The following ATP9B variants were observed in gnomAD, a reference collection of about 807,000 sequenced individuals.
The protein encoded by ATP9B is ATPase phospholipid transporting 9B.
A neutral mutation model predicts 146.1 loss-of-function variants in ATP9B; 110 were observed. The ratio of observed to expected loss-of-function variants is 0.75; its 90% CI spans 0.65 to 0.88. The LOEUF is 0.88. ATP9B is among the 40% of genes least tolerant of loss of function. The pLI is 0.00. For missense variants in ATP9B, 1,499 were observed against 1,496.4 expected (o/e 1.00, Z -0.03); for synonymous variants, 604 against 569.7 (o/e 1.06, Z -0.86).
intron 6 of ATP9B, among the ~76,000 whole-genome samples, chr18:79,152,650 T>C (rs1300183453): frequency 6.6e-6 from 1 of 152,184 alleles, no homozygotes; most frequent in Non-Finnish European, 1.5e-5. Flanking sequence ...AACTTTTTTT[T>C]TCTCTTTTAG....
chr18:79,279,694 T>G (rs2096355799), intron 13 of ATP9B, among the ~76,000 whole-genome samples: 1 of 152,192 alleles, frequency 6.6e-6, no homozygotes, highest in Non-Finnish European at 1.5e-5. Context: ...ACGTAAGACC[T>G]AAATGGATGT....
intron 26 of ATP9B, among the ~76,000 whole-genome samples, chr18:79,370,697 A>G (rs1043935332): frequency 6.6e-6 from 1 of 152,102 alleles, no homozygotes; most frequent in Non-Finnish European, 1.5e-5. Context: ...TTAATCTATA[A>G]TATCATCTGC....
At chr18:79,334,878 C>T (rs978832727) in intron 17 of ATP9B, among the ~76,000 whole-genome samples, 6 of 151,812 alleles carry the variant, frequency 4.0e-5, no homozygotes, top group Admixed American at 6.6e-5. Context: ...GGAGACCCAC[C>T]GGTGCCCTCC....
At chr18:79,179,393 A>G (rs1208580410) in intron 8 of ATP9B, among the ~76,000 whole-genome samples, 3 of 151,848 alleles carry the variant, frequency 2.0e-5, no homozygotes, top group East Asian at 3.9e-4. Context: ...ATTATTTTCT[A>G]TTTATAAACT....
chr18:79,353,747 A>G (rs1441352811), intron 25 of ATP9B: 1 of 152,202 alleles, frequency 6.6e-6, no homozygotes, highest in Non-Finnish European at 1.5e-5. Flanking sequence ...CACTTGTCAA[A>G]ATTCATCACA....
At chr18:79,170,697 G>A (rs780008848) in intron 7 of ATP9B, among the ~76,000 whole-genome samples, 1 of 152,176 alleles carries the variant, frequency 6.6e-6, no homozygotes, top group Non-Finnish European at 1.5e-5. Flanking sequence ...AGGCTGGTGT[G>A]TGAAAGCCCC....
chr18:79,182,820 G>T (rs1292559482), intron 8 of ATP9B, among the ~76,000 whole-genome samples: 3 of 152,178 alleles, frequency 2.0e-5, no homozygotes, highest in African/African-American at 7.2e-5. Flanking sequence ...TCTACCTGCT[G>T]GGAGGCCTGT....
At chr18:79,296,870 GAGAGAAGACAGGGATGACCCAC>G (rs1437494639) in intron 13 of ATP9B, among the ~76,000 whole-genome samples, 1 of 152,164 alleles carries the variant, frequency 6.6e-6, no homozygotes, top group Admixed American at 6.5e-5. Flanking sequence ...TAAAGACCCA[GAGAGAAGACAGGGATGACCCAC>G]AGAGAAGACA....
At chr18:79,221,963 T>G (rs1196729075) in intron 11 of ATP9B, among the ~76,000 whole-genome samples, 1 of 149,076 alleles carries the variant, frequency 6.7e-6, no homozygotes, top group Non-Finnish European at 1.5e-5. Flanking sequence ...TTATGAAAAA[T>G]TTTAAACATA....
chr18:79,081,826 G>A (rs958740695), intron 1 of ATP9B, among the ~76,000 whole-genome samples: 1 of 151,590 alleles, frequency 6.6e-6, no homozygotes, highest in African/African-American at 2.4e-5. Context: ...CTTTCTCTCT[G>A]GCTGCCCTAA....
intron 18 of ATP9B, among the ~76,000 whole-genome samples, chr18:79,336,931 C>T (rs2096830378): frequency 6.6e-6 from 1 of 152,224 alleles, no homozygotes; most frequent in African/African-American, 2.4e-5. Flanking sequence ...CAAAGAAGTG[C>T]CAGTTTCCTT....
At chr18:79,236,818 G>T (rs1185337942) in intron 11 of ATP9B, among the ~76,000 whole-genome samples, 1 of 142,012 alleles carries the variant, frequency 7.0e-6, no homozygotes, top group Admixed American at 7.0e-5. Context: ...GTCCGTGCAC[G>T]AGTCAGTGTC....
chr18:79,267,432 TC>T (rs1361235755), intron 12 of ATP9B, among the ~76,000 whole-genome samples: 2 of 152,118 alleles, frequency 1.3e-5, no homozygotes, highest in Non-Finnish European at 2.9e-5. Context: ...TTCTTACTTA[TC>T]TATTTCCTCC....
intron 13 of ATP9B, among the ~76,000 whole-genome samples, chr18:79,277,795 C>T (rs1320216778): frequency 6.6e-6 from 1 of 152,112 alleles, no homozygotes; most frequent in African/African-American, 2.4e-5. Context: ...CATCTGAGGG[C>T]TAAAATTCCT....
intron 7 of ATP9B, among the ~76,000 whole-genome samples, chr18:79,159,180 A>G (rs1258454677): frequency 6.6e-6 from 1 of 152,186 alleles, no homozygotes; most frequent in Non-Finnish European, 1.5e-5. Flanking sequence ...TAATTGCATC[A>G]TGATTTTTCA....
rs138324407 is a variant in ATP9B, at chr18:79,257,460, C to A, written c.1268+3919C>A. ...GAGGGGATAGGCATAAGCATTTAAA[C>A]GAAACAGTTACATAGTGGTAAACAC... On this transcript the variant is annotated intron_variant, in intron 12 of 29. Transcript: ENST00000426216. Among the ~76,000 whole-genome samples, 26 of 152,326 alleles carry A rather than the reference C, an allele frequency of 1.7e-4. No homozygotes were observed. The East Asian group carries it at 5.0e-3, about 29-fold the overall frequency.
intron 16 of ATP9B, 93 bp downstream of exon 16, chr18:79,329,395 T>C: frequency 7.3e-7 from 1 of 1,367,214 alleles, no homozygotes; most frequent in Non-Finnish European, 9.7e-7. Flanking sequence ...AGTTAAACAT[T>C]TACTCAGGTG....
At chr18:79,220,779 A>G (rs1003867976) in intron 11 of ATP9B, among the ~76,000 whole-genome samples, 1 of 152,200 alleles carries the variant, frequency 6.6e-6, no homozygotes, top group Non-Finnish European at 1.5e-5. Flanking sequence ...AATAAATACC[A>G]CATTTATAGA....
intron 11 of ATP9B, among the ~76,000 whole-genome samples, chr18:79,238,466 G>A (rs1021215998): frequency 2.0e-5 from 3 of 152,256 alleles, no homozygotes; most frequent in East Asian, 1.9e-4. Flanking sequence ...TGTTCCGGCC[G>A]GGCTGTAGCT....
Sources: allele counts gnomAD v4.1 joint callset (sites outside exome capture counted in the v4.1 genomes callset), GRCh38; gene constraint gnomAD v4.1.1; transcripts MANE v1.5; gene names NCBI Gene and HGNC (gene_info 2026-07-23, HGNC 2026-07-21).